The following ZNF362 variants were observed in gnomAD, a reference collection of about 807,000 sequenced individuals.
ZNF362 encodes zinc finger protein 362.
Under a neutral mutation model 42.9 loss-of-function variants are expected in ZNF362, and 11 were observed. The ratio of observed to expected loss-of-function variants is 0.26; its 90% CI spans 0.16 to 0.42. ZNF362 has a LOEUF of 0.42. Ranked by LOEUF, ZNF362 falls within the 20% of genes least tolerant of loss-of-function variation. The pLI is 1.00. For synonymous variants in ZNF362, 255 were observed against 257.3 expected (o/e 0.99, Z 0.09); for missense variants, 362 against 576.2 (o/e 0.63, Z 3.81).
the ZNF362 span, among the ~76,000 whole-genome samples, chr1:33,138,207 G>C: frequency 1.3e-5 from 2 of 152,148 alleles, no homozygotes; most frequent in African/African-American, 4.8e-5. Context: ...CTCAGAATGG[G>C]GGTTAGGAAA....
intron 6 of ZNF362, among the ~76,000 whole-genome samples, chr1:33,284,443 C>G (rs1367650710): frequency 6.6e-6 from 1 of 152,082 alleles, no homozygotes; most frequent in African/African-American, 2.4e-5. Flanking sequence ...AACTAATGAT[C>G]GTAAAAGAAA....
At chr1:33,157,316 C>T in the ZNF362 span, among the ~76,000 whole-genome samples, 1 of 152,158 alleles carries the variant, frequency 6.6e-6, no homozygotes, top group Non-Finnish European at 1.5e-5. Context: ...GAGATGTGCT[C>T]CTGCCTCAGG....
the ZNF362 span, among the ~76,000 whole-genome samples, chr1:33,215,592 A>G: frequency 6.6e-6 from 1 of 152,290 alleles, no homozygotes; most frequent in South Asian, 2.1e-4. Flanking sequence ...ATTATTACAC[A>G]TTGAGTGCCT....
the ZNF362 span, chr1:33,176,437 C>G: frequency 1.4e-6 from 1 of 698,098 alleles, no homozygotes; most frequent in Non-Finnish European, 2.6e-6. Context: ...TGATCCACTG[C>G]TGTCTTCTCT....
intron 4 of ZNF362, among the ~76,000 whole-genome samples, chr1:33,277,357 C>T (rs2148099622): frequency 6.6e-6 from 1 of 152,362 alleles, no homozygotes; most frequent in East Asian, 1.9e-4. Context: ...GGCTCCAGAG[C>T]CTGTATCTTC....
At chr1:33,170,902 A>G in the ZNF362 span, among the ~76,000 whole-genome samples, 1 of 152,208 alleles carries the variant, frequency 6.6e-6, no homozygotes, top group African/African-American at 2.4e-5. Flanking sequence ...GTTCAGCCTC[A>G]CAGGGCACAG....
At chr1:33,236,574 CAT>C in the ZNF362 span, among the ~76,000 whole-genome samples, 6 of 50,584 alleles carry the variant, frequency 1.2e-4, no homozygotes, top group East Asian at 3.6e-3. Context: ...TATATATATA[CAT>C]ACACACACAC....
chr1:33,147,381 G>A, the ZNF362 span: 6 of 1,614,032 alleles, frequency 3.7e-6, no homozygotes, highest in East Asian at 2.2e-5. The surrounding 1 kb of genome is among the most constrained non-coding windows in gnomAD (Gnocchi z 8.1). Flanking sequence ...TGTCCCGGAC[G>A]TTAAGCCGCG....
At chr1:33,233,404 C>T in the ZNF362 span, among the ~76,000 whole-genome samples, 1 of 150,804 alleles carries the variant, frequency 6.6e-6, no homozygotes, top group East Asian at 2.0e-4. Flanking sequence ...TCCCTTCTCA[C>T]ACTTTTTTTT....
At chr1:33,150,159 G>C in the ZNF362 span, among the ~76,000 whole-genome samples, 6 of 152,244 alleles carry the variant, frequency 3.9e-5, no homozygotes, top group Non-Finnish European at 7.3e-5. Flanking sequence ...CCATTTCCAG[G>C]CAACAGCAAG....
chr1:33,165,635 T>A, the ZNF362 span: 1 of 1,365,556 alleles, frequency 7.3e-7, no homozygotes, highest in Non-Finnish European at 9.9e-7. The surrounding 1 kb of genome is among the most constrained non-coding windows in gnomAD (Gnocchi z 4.0). Context: ...CCCTGACCAC[T>A]GCCAGGCGCT....
the ZNF362 span, among the ~76,000 whole-genome samples, chr1:33,138,646 GAAAA>G: frequency 7.4e-6 from 1 of 134,682 alleles, no homozygotes; most frequent in Non-Finnish European, 1.6e-5. Context: ...AAAAAAAAAA[GAAAA>G]GGAAAGAAAG....
At chr1:33,260,255 T>C (rs1289343429) in intron 1 of ZNF362, among the ~76,000 whole-genome samples, 1 of 152,268 alleles carries the variant, frequency 6.6e-6, no homozygotes, top group Non-Finnish European at 1.5e-5. Context: ...AAGTACTTTC[T>C]GGGCCTACAA....
At chr1:33,267,863 A>AC (rs1645875348) in intron 1 of ZNF362, among the ~76,000 whole-genome samples, 1 of 152,214 alleles carries the variant, frequency 6.6e-6, no homozygotes, top group South Asian at 2.1e-4. Context: ...GGGATGGATG[A>AC]CCAAGAATGG....
intron 1 of ZNF362, among the ~76,000 whole-genome samples, chr1:33,267,250 C>T (rs1557788473): frequency 6.6e-6 from 1 of 152,160 alleles, no homozygotes; most frequent in African/African-American, 2.4e-5. Flanking sequence ...TCTTCCAGGC[C>T]TATCGCCCCA....
At chr1:33,241,993 C>T in the ZNF362 span, among the ~76,000 whole-genome samples, 1 of 152,188 alleles carries the variant, frequency 6.6e-6, no homozygotes, top group African/African-American at 2.4e-5. Context: ...AAAGATGACA[C>T]TGAGCCAACC....
In ZNF362 at chr1:33,299,404, G is replaced by A. The variant is rs1490874932; in HGVS notation, c.*358G>A. 2.7e-5 allele frequency: 5 copies of A among 187,898 alleles called. No homozygotes were observed. Among genetic ancestry groups the A allele is most frequent in the Non-Finnish European group, 1.1e-5 (1 of 89,398 alleles). The allele number at this position is 187,898 out of a possible 1,614,324, so 11.6% of individuals were successfully genotyped here. A position where few individuals can be genotyped will look rare whatever the true frequency, so the allele number is the denominator to read the frequency against. ...AACAGAAAAGATATTTATTGGCCAG[G>A]AAGTTGGTGCTGCTAAGACCGAGAA... On this transcript the variant is annotated 3_prime_UTR_variant, in exon 9 of 9. Transcript: ENST00000539719.
At chr1:33,276,032 C>T in intron 2 of ZNF362, 68 bp from the exon 3 acceptor site, 2 of 1,574,200 alleles carry the variant, frequency 1.3e-6, no homozygotes, top group Non-Finnish European at 1.7e-6. Context: ...GTGGGCGCAG[C>T]TGAGGGGTGC....
At chr1:33,173,235 G>A in the ZNF362 span, among the ~76,000 whole-genome samples, 1 of 152,102 alleles carries the variant, frequency 6.6e-6, no homozygotes, top group African/African-American at 2.4e-5. Context: ...GGCAACATCT[G>A]GCCAGTCCCT....
Sources: gnomAD v4.1 joint callset for allele counts (sites outside exome capture counted in the v4.1 genomes callset) on GRCh38, gnomAD v4.1.1 for gene constraint, Gnocchi (gnomAD v3.1) non-coding constraint, MANE v1.5 for transcripts, NCBI Gene and HGNC (gene_info 2026-07-23, HGNC 2026-07-21) for gene names.